NARS2: variants seen among roughly 807,000 people sequenced by gnomAD.
NARS2 encodes the protein asparaginyl-tRNA synthetase.
A neutral mutation model predicts 62.9 loss-of-function variants in NARS2; 60 were observed. The observed-to-expected ratio is 0.95, with a 90% CI of 0.77 to 1.18. The LOEUF is 1.18. Ranked by LOEUF, NARS2 falls within the 50% of genes most tolerant of loss-of-function variation. The probability of loss-of-function intolerance (pLI) is 0.00; values close to 1 mark genes in which losing one functional copy is unlikely to be tolerated. For synonymous variants in NARS2, 196 were observed against 200.0 expected (o/e 0.98, Z 0.17); for missense variants, 619 against 576.4 (o/e 1.07, Z -0.76).
At chr11:78,548,742 G>A (rs562165547) in intron 5 of NARS2, among the ~76,000 whole-genome samples, 1 of 152,100 alleles carries the variant, frequency 6.6e-6, no homozygotes, top group Non-Finnish European at 1.5e-5. Flanking sequence ...ACATGACAGT[G>A]TGGGGAGCTC....
intron 6 of NARS2, among the ~76,000 whole-genome samples, chr11:78,518,375 T>C (rs911250556): frequency 1.3e-5 from 2 of 152,204 alleles, no homozygotes; most frequent in Non-Finnish European, 1.5e-5. Flanking sequence ...TGAGAATTTA[T>C]GCTTTACAAA....
At chr11:78,561,385 A>G (rs1443999947) in intron 4 of NARS2, among the ~76,000 whole-genome samples, 1 of 152,236 alleles carries the variant, frequency 6.6e-6, no homozygotes, top group Non-Finnish European at 1.5e-5. Flanking sequence ...ATAGGTTTCC[A>G]GTGTCACTTA....
chr11:78,475,655 T>C (rs886217670), intron 9 of NARS2, among the ~76,000 whole-genome samples: 2 of 146,052 alleles, frequency 1.4e-5, no homozygotes, highest in African/African-American at 5.1e-5. Context: ...TGCAGCAGCG[T>C]CTGTGATCAT....
intron 4 of NARS2, among the ~76,000 whole-genome samples, chr11:78,560,619 C>T (rs1025516000): frequency 1.3e-5 from 2 of 151,434 alleles, no homozygotes; most frequent in African/African-American, 4.9e-5. Flanking sequence ...CTATGCATTA[C>T]TAGGGACCTC....
chr11:78,560,080 G>A (rs548356505), intron 4 of NARS2, among the ~76,000 whole-genome samples: 7 of 151,936 alleles, frequency 4.6e-5, no homozygotes, highest in East Asian at 1.9e-4. Context: ...AATACAAAGC[G>A]ATCAGTATAA....
At chr11:78,438,454 C>T (rs1047192331) in intron 13 of NARS2, among the ~76,000 whole-genome samples, 2 of 152,104 alleles carry the variant, frequency 1.3e-5, no homozygotes, top group Admixed American at 1.3e-4. Context: ...GTCACAGATG[C>T]CTACAGGACC....
chr11:78,462,730 T>C (rs1223249164), intron 11 of NARS2, among the ~76,000 whole-genome samples: 1 of 152,172 alleles, frequency 6.6e-6, no homozygotes, highest in Non-Finnish European at 1.5e-5. Flanking sequence ...AGAGATGAGA[T>C]GGTAGTGCTT....
chr11:78,501,926 A>G lies in NARS2; in HGVS notation c.690-8731T>C, dbSNP rs892135807. Among the ~76,000 whole-genome samples the G allele has an allele frequency of 5.9e-5, 9 of 152,362 alleles. No individual in the cohort carries two copies. In the East Asian group the frequency reaches 1.5e-3, roughly 26 times the overall value. ...GGCATTATATAGCCAAAAAACAGAA[A>G]TAACCCAAATATTCATCAATGAATG... On this transcript the variant is annotated intron_variant, in intron 6 of 13. Transcript: ENST00000281038.
At chr11:78,563,918 T>TTATTATTAC (rs373288163) in intron 4 of NARS2, among the ~76,000 whole-genome samples, 160 of 123,804 alleles carry the variant, frequency 1.3e-3, no homozygotes, top group Middle Eastern at 4.4e-3. Flanking sequence ...ATTATTATTA[T>TTATTATTAC]TGAGATGGAA....
At chr11:78,477,977 A>C (rs2135262388) in intron 9 of NARS2, among the ~76,000 whole-genome samples, 1 of 152,288 alleles carries the variant, frequency 6.6e-6, no homozygotes, top group Non-Finnish European at 1.5e-5. Context: ...TTCTCTGGAG[A>C]ACTCTAATAC....
chr11:78,475,222 T>C (rs898945658), intron 9 of NARS2, among the ~76,000 whole-genome samples: 6 of 152,222 alleles, frequency 3.9e-5, no homozygotes, highest in Non-Finnish European at 7.3e-5. Flanking sequence ...GTCTTCCAGG[T>C]TGATCCATGC....
intron 11 of NARS2, among the ~76,000 whole-genome samples, chr11:78,455,911 A>G (rs1438278977): frequency 2.6e-5 from 4 of 151,622 alleles, no homozygotes; most frequent in Non-Finnish European, 5.9e-5. Flanking sequence ...TTCTCTTTTG[A>G]ATGTTTTAAC....
At chr11:78,464,683 A>G (rs1010751642) in intron 11 of NARS2, among the ~76,000 whole-genome samples, 1 of 152,002 alleles carries the variant, frequency 6.6e-6, no homozygotes, top group African/African-American at 2.4e-5. Context: ...GTGTATTTAC[A>G]ATCCCTTAGC....
Position 78,566,188 on chromosome 11 carries a change from C to A in NARS2, c.457G>T (p.Gly153Cys), listed in dbSNP as rs1856736306. Reference protein sequence around the residue: ...PHFRCRTNVLGSILRIRSEAT... With the variant: ...PHFRCRTNVLCSILRIRSEAT... Reference sequence around the variant, plus strand: ...TCACTGCGAATCCTCAATATAGAACCCAGAACGTTAGTCCTACACCTAAAG... The same window carrying A: ...TCACTGCGAATCCTCAATATAGAACACAGAACGTTAGTCCTACACCTAAAG... The change falls in exon 4 of 14, where the codon GGT (glycine) becomes TGT (cysteine). Residue 153 changes from glycine (G) to cysteine (C), a missense_variant. Physicochemically the swap from Gly to Cys is radical, Grantham distance 159 (BLOSUM62 -3). Transcript: ENST00000281038. 1 of 1,612,886 alleles carries A rather than the reference C, an allele frequency of 6.2e-7. No homozygotes were observed. The highest frequency in any genetic ancestry group is 1.3e-5 in the African/African-American group (1 of 74,832).
chr11:78,505,485 A>T (rs114400408), intron 6 of NARS2, among the ~76,000 whole-genome samples: 5 of 151,846 alleles, frequency 3.3e-5, no homozygotes, highest in African/African-American at 1.2e-4. Context: ...TTTCCCCCCA[A>T]CTAGAATATA....
intron 11 of NARS2, among the ~76,000 whole-genome samples, chr11:78,464,352 G>T (rs1308257256): frequency 6.6e-6 from 1 of 152,156 alleles, no homozygotes; most frequent in Non-Finnish European, 1.5e-5. Context: ...TGTGGAAGGG[G>T]ACCCGAGCGG....
chr11:78,520,137 AT>A (rs1861061312), intron 6 of NARS2, among the ~76,000 whole-genome samples: 1 of 152,222 alleles, frequency 6.6e-6, no homozygotes, highest in Non-Finnish European at 1.5e-5. Flanking sequence ...GCCATGAGAA[AT>A]TGCTATATTC....
intron 6 of NARS2, among the ~76,000 whole-genome samples, chr11:78,526,690 C>G (rs1401504743): frequency 1.3e-5 from 2 of 152,094 alleles, no homozygotes; most frequent in East Asian, 3.8e-4. Context: ...ACACTGTGTT[C>G]TGTGGTTCAC....
In NARS2 at chr11:78,534,026, C is replaced by T. The variant is rs6592787; in HGVS notation, c.595-5090G>A. 2.0e-3 allele frequency among the ~76,000 whole-genome samples: 308 copies of T among 152,168 alleles called. 1 individual carries two copies. Among genetic ancestry groups the T allele is most frequent in the African/African-American group, 7.2e-3 (298 of 41,506 alleles). On this transcript the variant is annotated intron_variant, in intron 5 of 13. Transcript: ENST00000281038. ...ATAATATTTTACTGTCTGGATGTAA[C>T]AGATACAGTTTATTTCTCCATTTAC...
Sources: allele counts gnomAD v4.1 joint callset (sites outside exome capture counted in the v4.1 genomes callset), GRCh38; gene constraint gnomAD v4.1.1; transcripts MANE v1.5; gene names NCBI Gene and HGNC (gene_info 2026-07-23, HGNC 2026-07-21).